Variants in RP1 observed in about 807,000 individuals in gnomAD.
RP1 encodes oxygen-regulated protein 1.
Under a neutral mutation model 14.8 loss-of-function variants are expected in RP1, and 16 were observed. That is an observed-to-expected ratio of 1.08 (90% CI 0.73 to 1.65). The LOEUF (loss-of-function observed/expected upper bound fraction) is 1.65. Ranked by LOEUF, RP1 falls within the 40% of genes most tolerant of loss-of-function variation. RP1 has a pLI of 0.00. For synonymous variants in RP1, 876 were observed against 883.6 expected (o/e 0.99, Z 0.15); for missense variants, 2,631 against 2,535.0 (o/e 1.04, Z -0.81).
chr8:54,574,965 G>T (rs1383245485), intron 1 of RP1, among the ~76,000 whole-genome samples: 1 of 152,106 alleles, frequency 6.6e-6, no homozygotes, highest in Non-Finnish European at 1.5e-5. Context: ...GCCATCTTTG[G>T]GGATATTTCT....
At chr8:54,578,361 T>G (rs1804707968) in intron 1 of RP1, among the ~76,000 whole-genome samples, 1 of 152,024 alleles carries the variant, frequency 6.6e-6, no homozygotes, top group Non-Finnish European at 1.5e-5. Flanking sequence ...TGCACCATCA[T>G]GCCTGGTTAA....
chr8:54,760,003 G>A (rs777984040), intron 22 of RP1, among the ~76,000 whole-genome samples: 4 of 152,050 alleles, frequency 2.6e-5, no homozygotes, highest in Admixed American at 1.3e-4. Context: ...TCAAGGGTTC[G>A]GATTTAGCCA....
chr8:54,617,365 G>T (rs1156578655), intron 1 of RP1, among the ~76,000 whole-genome samples: 1 of 152,188 alleles, frequency 6.6e-6, no homozygotes, highest in Non-Finnish European at 1.5e-5. Flanking sequence ...TATCGAAAAT[G>T]TATGTAAAGA....
At chr8:54,725,181 A>G (rs1313109329) in intron 16 of RP1, among the ~76,000 whole-genome samples, 2 of 152,152 alleles carry the variant, frequency 1.3e-5, no homozygotes, top group African/African-American at 4.8e-5. Context: ...GAATTTCTAT[A>G]TTACATTGGT....
At position 54,669,987 on chromosome 8, in the gene RP1, C is replaced by T. The variant is rs146660737; in HGVS notation, c.1324-3863C>T. On this transcript the variant is annotated intron_variant, in intron 7 of 22. Transcript: ENST00000636932. ...GCACATGTATACCTATGTAACAAAC[C>T]GGCACGTTGTGCACATGTACCCTAG... Among the ~76,000 whole-genome samples, 1,075 of 151,954 alleles carry T rather than the reference C, an allele frequency of 7.1e-3. 16 individuals carry two copies. Among genetic ancestry groups the T allele is most frequent in the African/African-American group, 0.024 (1,011 of 41,422 alleles).
intron 12 of RP1, among the ~76,000 whole-genome samples, chr8:54,699,191 A>G (rs1466468215): frequency 6.6e-6 from 1 of 151,606 alleles, no homozygotes; most frequent in Non-Finnish European, 1.5e-5. Context: ...ACTCAAATAC[A>G]TACAACACAC....
chr8:54,728,699 T>G (rs1050977859), intron 17 of RP1, among the ~76,000 whole-genome samples: 1 of 152,196 alleles, frequency 6.6e-6, no homozygotes, highest in Non-Finnish European at 1.5e-5. Flanking sequence ...AGAGATATAG[T>G]GTCATTAAAT....
At chr8:54,647,094 T>C (rs1207390258) in intron 3 of RP1, among the ~76,000 whole-genome samples, 5 of 152,112 alleles carry the variant, frequency 3.3e-5, no homozygotes, top group Non-Finnish European at 5.9e-5. Flanking sequence ...AAACAAAATA[T>C]AGTTTTATAT....
intron 26 of RP1, among the ~76,000 whole-genome samples, chr8:54,853,986 G>GAAGA (rs1006504574): frequency 6.7e-6 from 1 of 150,092 alleles, no homozygotes; most frequent in Non-Finnish European, 1.5e-5. Context: ...AGAAAGAAAG[G>GAAGA]AAGAAAGAAA....
chr8:54,720,401 C>T, intron 16 of RP1: 1 of 1,106,232 alleles, frequency 9.0e-7, no homozygotes, highest in Non-Finnish European at 1.2e-6. Context: ...CTAAGCAAAT[C>T]TCTGCTGCTA....
At chr8:54,580,353 C>T (rs566181722) in intron 1 of RP1, among the ~76,000 whole-genome samples, 1 of 128,852 alleles carries the variant, frequency 7.8e-6, no homozygotes, top group South Asian at 2.5e-4. Flanking sequence ...TGTCGCCAGG[C>T]TGGAGTGCAG....
chr8:54,642,545 TACC>T (rs932655730), intron 3 of RP1, among the ~76,000 whole-genome samples: 1 of 152,160 alleles, frequency 6.6e-6, no homozygotes, highest in African/African-American at 2.4e-5. Flanking sequence ...ATCCAAATTT[TACC>T]ACATTTTGCT....
At chr8:54,579,533 G>C (rs1170844711) in intron 1 of RP1, among the ~76,000 whole-genome samples, 2 of 152,136 alleles carry the variant, frequency 1.3e-5, no homozygotes, top group African/African-American at 4.8e-5. Flanking sequence ...GTAGGAATGA[G>C]TCCTAACATT....
At chr8:54,619,308 C>T (rs752481859) in intron 1 of RP1, among the ~76,000 whole-genome samples, 1 of 152,098 alleles carries the variant, frequency 6.6e-6, no homozygotes, top group Non-Finnish European at 1.5e-5. Flanking sequence ...TCTTGGACAA[C>T]AGCTTGCAAA....
At chr8:54,805,685 C>T (rs925109773) in intron 24 of RP1, among the ~76,000 whole-genome samples, 10 of 151,746 alleles carry the variant, frequency 6.6e-5, no homozygotes, top group African/African-American at 1.9e-4. Context: ...CAGGTGCATG[C>T]CCATGGAGTG....
At chr8:54,745,689 T>G (rs1437745916) in intron 19 of RP1, among the ~76,000 whole-genome samples, 2 of 152,116 alleles carry the variant, frequency 1.3e-5, no homozygotes, top group Non-Finnish European at 2.9e-5. Flanking sequence ...TTTTTTTTTT[T>G]TTCCAAGCAC....
chr8:54,810,721 C>A (rs1033145309), intron 24 of RP1, among the ~76,000 whole-genome samples: 65 of 152,178 alleles, frequency 4.3e-4, no homozygotes, highest in African/African-American at 1.5e-3. Context: ...TGCCTGCTTG[C>A]TGTTTAATGT....
intron 24 of RP1, among the ~76,000 whole-genome samples, chr8:54,837,281 G>A (rs2129403081): frequency 6.6e-6 from 1 of 152,298 alleles, no homozygotes; most frequent in African/African-American, 2.4e-5. Flanking sequence ...ATGGATACAT[G>A]CTTCACCATA....
At chr8:54,773,299 A>G (rs1809952642), downstream of RP1, among the ~76,000 whole-genome samples, 1 of 152,058 alleles carries the variant, frequency 6.6e-6, no homozygotes, top group Non-Finnish European at 1.5e-5. Flanking sequence ...TTTTGTTGTA[A>G]TTTATCCGGT....
Sources: gnomAD v4.1 joint callset for allele counts (sites outside exome capture counted in the v4.1 genomes callset) on GRCh38, gnomAD v4.1.1 for gene constraint, MANE v1.5 for transcripts, NCBI Gene and HGNC (gene_info 2026-07-23, HGNC 2026-07-21) for gene names.